Variants in NT5DC3 observed in about 807,000 individuals in gnomAD.
The protein encoded by NT5DC3 is 5'-nucleotidase domain containing 3, also known as 5'-nucleotidase domain-containing protein 3.
NT5DC3 carries 42 observed loss-of-function variants against 67.8 expected under a neutral mutation model. The ratio of observed to expected loss-of-function variants is 0.62; its 90% CI spans 0.48 to 0.80. NT5DC3 has a LOEUF of 0.80. Ranked by LOEUF, NT5DC3 falls within the 30% of genes least tolerant of loss-of-function variation. The pLI is 0.00. For missense variants in NT5DC3, 570 were observed against 696.4 expected (o/e 0.82, Z 2.04); for synonymous variants, 237 against 255.6 (o/e 0.93, Z 0.69).
chr12:103,757,117 C>G, the NT5DC3 span, among the ~76,000 whole-genome samples: 7 of 150,626 alleles, frequency 4.6e-5, no homozygotes, highest in East Asian at 1.4e-3. Flanking sequence ...TTAAGAGAGT[C>G]TTGTTGTGTT....
At chr12:103,808,703 T>A (rs1051095898) in intron 2 of NT5DC3, among the ~76,000 whole-genome samples, 27 of 152,336 alleles carry the variant, frequency 1.8e-4, no homozygotes, top group African/African-American at 6.3e-4. Context: ...TTTGCAGACA[T>A]AATTGACAAG....
At chr12:103,759,336 C>T in the NT5DC3 span, 4 of 1,588,954 alleles carry the variant, frequency 2.5e-6, no homozygotes, top group Non-Finnish European at 1.7e-6. Context: ...TCCTGGCATA[C>T]AGTAGGTGCT....
In NT5DC3 at chr12:103,831,834, G is replaced by A. The variant is rs977754417; in HGVS notation, c.208+9115C>T. On this transcript the variant is annotated intron_variant, in intron 1 of 13. Transcript: ENST00000392876. ...TCTGTCACTCAGGCTGGAGTACAGC[G>A]GTGTGATCTCGGCTCACTGCAACCT... Among the ~76,000 whole-genome samples, 27 of 149,468 alleles carry A rather than the reference G, an allele frequency of 1.8e-4. 1 individual carries two copies. Among genetic ancestry groups the A allele is most frequent in the Admixed American group, 3.3e-4 (5 of 14,994 alleles).
chr12:103,757,995 A>G, the NT5DC3 span: 15 of 894,982 alleles, frequency 1.7e-5, no homozygotes, highest in Admixed American at 1.1e-4. Flanking sequence ...TGAGGAAAGG[A>G]AAAGTCCTCA....
chr12:103,774,913 G>C lies in NT5DC3; in HGVS notation c.*2916C>G, dbSNP rs1412748037. 1 of 151,722 alleles carries C rather than the reference G, an allele frequency of 6.6e-6. No individual in the cohort carries two copies. The highest frequency in any genetic ancestry group is 2.4e-5 in the African/African-American group (1 of 41,210). The allele number at this position is 151,722 out of a possible 1,614,324, so 9.4% of individuals were successfully genotyped here. Reference sequence around the variant, plus strand: ...TAGTCCCAGCTACTCGGGAGGCTGAGGCACGAAAATTGCTTGAACCTGGGA... The same window carrying C: ...TAGTCCCAGCTACTCGGGAGGCTGACGCACGAAAATTGCTTGAACCTGGGA... On this transcript the variant is annotated 3_prime_UTR_variant, in exon 14 of 14. Coordinates refer to ENST00000392876, the MANE Select transcript of NT5DC3 (RefSeq NM_001031701.3).
chr12:103,806,112 C>A (rs938522015), intron 4 of NT5DC3, among the ~76,000 whole-genome samples: 3 of 152,182 alleles, frequency 2.0e-5, no homozygotes, highest in South Asian at 2.1e-4. Context: ...TTCCCACCCA[C>A]ACTCTGAGCT....
intron 1 of NT5DC3, among the ~76,000 whole-genome samples, chr12:103,824,034 C>A (rs1438367535): frequency 1.3e-5 from 2 of 152,192 alleles, no homozygotes; most frequent in East Asian, 3.9e-4. Context: ...TTCTAATATG[C>A]TAGGGAACAA....
chr12:103,816,566 A>T (rs1303815179), intron 1 of NT5DC3, among the ~76,000 whole-genome samples: 5 of 152,194 alleles, frequency 3.3e-5, no homozygotes, highest in African/African-American at 4.8e-5. Flanking sequence ...GAGCAGTTCT[A>T]ACTATTTGTA....
At chr12:103,780,740 G>A (rs1057242425) in intron 12 of NT5DC3, among the ~76,000 whole-genome samples, 9 of 152,096 alleles carry the variant, frequency 5.9e-5, no homozygotes, top group Admixed American at 1.3e-4. Flanking sequence ...ATATACATGT[G>A]TACAAACTAT....
chr12:103,779,097 T>TTGTA (rs1885447074), intron 13 of NT5DC3, among the ~76,000 whole-genome samples: 1 of 152,202 alleles, frequency 6.6e-6, no homozygotes, highest in Non-Finnish European at 1.5e-5. Flanking sequence ...TAAAAGCATG[T>TTGTA]TGTAAACTCT....
the NT5DC3 span, chr12:103,758,201 G>C: frequency 3.1e-6 from 5 of 1,614,068 alleles, no homozygotes; most frequent in Non-Finnish European, 4.2e-6. Flanking sequence ...AGCTCAGCTC[G>C]AGGCCGTGCA....
chr12:103,761,142 G>A, the NT5DC3 span, among the ~76,000 whole-genome samples: 1 of 152,148 alleles, frequency 6.6e-6, no homozygotes, highest in Non-Finnish European at 1.5e-5. Flanking sequence ...ATGTGTTCTG[G>A]GCTGTCCAGA....
At chr12:103,784,361 G>A (rs1389096576) in intron 12 of NT5DC3, among the ~76,000 whole-genome samples, 6 of 152,222 alleles carry the variant, frequency 3.9e-5, no homozygotes, top group South Asian at 2.1e-4. Flanking sequence ...CCAGGGGGAC[G>A]TGCAGGGCCC....
chr12:103,759,877 T>C, the NT5DC3 span, among the ~76,000 whole-genome samples: 4 of 152,222 alleles, frequency 2.6e-5, no homozygotes, highest in Admixed American at 1.3e-4. Context: ...AACCCTCATA[T>C]GGAGAATAGA....
chr12:103,769,449 T>G (rs1566092694), downstream of NT5DC3, among the ~76,000 whole-genome samples: 3 of 152,182 alleles, frequency 2.0e-5, no homozygotes, highest in South Asian at 6.2e-4. Flanking sequence ...AGCGGAAAAC[T>G]CCGTCCCCAA....
the NT5DC3 span, chr12:103,759,175 A>G: frequency 1.5e-5 from 24 of 1,614,046 alleles, no homozygotes; most frequent in African/African-American, 3.2e-4. Context: ...CGCCAATGTC[A>G]GCATGTTTTT....
At chr12:103,831,585 T>C (rs936269474) in intron 1 of NT5DC3, among the ~76,000 whole-genome samples, 2 of 152,038 alleles carry the variant, frequency 1.3e-5, no homozygotes, top group African/African-American at 4.8e-5. Context: ...GTTTCTCTAT[T>C]GTCTCCCTGC....
intron 5 of NT5DC3, 30 bp downstream of exon 5, chr12:103,798,557 G>A (rs1435335284): frequency 6.7e-6 from 10 of 1,492,328 alleles, no homozygotes; most frequent in Non-Finnish European, 9.3e-6. Flanking sequence ...GAAAAAGGCT[G>A]CTTTAAATGA....
Position 103,774,609 on chromosome 12 carries a change from AGGAGGCGGAG to A in NT5DC3, c.*3210_*3219del, listed in dbSNP as rs1885280160. 6.7e-6 allele frequency: 1 copy of A among 148,802 alleles called. No homozygotes were observed. Among genetic ancestry groups the A allele is most frequent in the Non-Finnish European group, 1.5e-5 (1 of 67,496 alleles). 9.2% of individuals were successfully genotyped at this position (148,802 alleles called of 1,614,324 possible). ...TGAGGCAGGAGAATCACTTGAACCCAGGAGGCGGAGGTTGGAGTGAGCCAAGATCGTGCCA... is the reference window on the plus strand; with the variant it reads ...TGAGGCAGGAGAATCACTTGAACCCAGTTGGAGTGAGCCAAGATCGTGCCA... On this transcript the variant is annotated 3_prime_UTR_variant, in exon 14 of 14. Transcript: ENST00000392876.
Sources: gnomAD v4.1 joint callset for allele counts (sites outside exome capture counted in the v4.1 genomes callset) on GRCh38, gnomAD v4.1.1 for gene constraint, MANE v1.5 for transcripts, NCBI Gene and HGNC (gene_info 2026-07-23, HGNC 2026-07-21) for gene names.